DAB1: variants seen among roughly 807,000 people sequenced by gnomAD.
The protein encoded by DAB1 is DAB adaptor protein 1, also known as disabled homolog 1.
DAB1 carries 15 observed loss-of-function variants against 64.6 expected under a neutral mutation model. That is an observed-to-expected ratio of 0.23 (90% CI 0.16 to 0.36). DAB1 has a LOEUF of 0.36. DAB1 is among the 10% of genes least tolerant of loss of function. DAB1 has a pLI of 1.00. For synonymous variants in DAB1, 235 were observed against 251.9 expected (o/e 0.93, Z 0.64); for missense variants, 596 against 706.7 (o/e 0.84, Z 1.78).
chr1:57,015,831 C>T (rs111274786), intron 11 of DAB1, among the ~76,000 whole-genome samples: 2 of 152,194 alleles, frequency 1.3e-5, no homozygotes, highest in African/African-American at 4.8e-5. Context: ...ATTGCATAAG[C>T]TCTCTAAGAG....
At chr1:58,346,147 C>T (rs1257521958) in intron 3 of DAB1, among the ~76,000 whole-genome samples, 2 of 152,186 alleles carry the variant, frequency 1.3e-5, no homozygotes, top group South Asian at 2.1e-4. Context: ...TACGGCAGTC[C>T]GGCCCATACA....
chr1:57,171,393 G>C (rs1661744510), intron 2 of DAB1, among the ~76,000 whole-genome samples: 1 of 152,198 alleles, frequency 6.6e-6, no homozygotes, highest in South Asian at 2.1e-4. Flanking sequence ...TGTTCTCCTT[G>C]ATAACTCCTG....
At chr1:57,245,731 G>A (rs555212173) in intron 2 of DAB1, among the ~76,000 whole-genome samples, 104 of 152,286 alleles carry the variant, frequency 6.8e-4, no homozygotes, top group Non-Finnish European at 4.6e-4. Flanking sequence ...GAATAGTGCC[G>A]CAATAAACAT....
At chr1:57,041,779 G>C (rs1018252997) in intron 9 of DAB1, among the ~76,000 whole-genome samples, 1 of 152,170 alleles carries the variant, frequency 6.6e-6, no homozygotes. Context: ...GCACCTACTT[G>C]ATGGGATTTT....
At chr1:57,649,903 G>A (rs1558575467) in intron 6 of DAB1, among the ~76,000 whole-genome samples, 1 of 152,166 alleles carries the variant, frequency 6.6e-6, no homozygotes, top group South Asian at 2.1e-4. Context: ...ATCAGGATAC[G>A]TGTGTCTGTT....
chr1:57,183,121 T>C (rs1415554237), intron 2 of DAB1, among the ~76,000 whole-genome samples: 1 of 151,990 alleles, frequency 6.6e-6, no homozygotes, highest in East Asian at 2.0e-4. Flanking sequence ...TGTGAAATTT[T>C]AGAATACAAA....
At chr1:57,010,882 A>AT (rs1646245529) in intron 13 of DAB1, 92 bp from the exon 14 acceptor site, 4 of 1,033,958 alleles carry the variant, frequency 3.9e-6, no homozygotes. Flanking sequence ...CAGCACAATC[A>AT]GTTATTGTAA....
intron 5 of DAB1, among the ~76,000 whole-genome samples, chr1:57,959,241 C>A (rs532093535): frequency 7.1e-4 from 108 of 152,294 alleles, no homozygotes; most frequent in African/African-American, 2.4e-3. Context: ...GGAATGGCAC[C>A]TGCCTCATAG....
At position 57,618,410 on chromosome 1, in the gene DAB1, CAAA is replaced by C. The variant is rs11284763; in HGVS notation, n.625+31179_625+31181del. 5.5e-3 allele frequency among the ~76,000 whole-genome samples: 662 copies of C among 119,776 alleles called. 5 individuals are homozygous for C. Among genetic ancestry groups the C allele is most frequent in the Middle Eastern group, 0.013 (3 of 230 alleles). 78.6% of individuals were successfully genotyped at this position (119,776 alleles called of 152,430 possible). A position where few individuals can be genotyped will look rare whatever the true frequency, so the allele number is the denominator to read the frequency against. On this transcript the variant is annotated intron_variant and non_coding_transcript_variant, in intron 7 of 20. Transcript: ENST00000485760. ...AGCCTGGGTGGCACAGTGAGACTGTCAAAAAAAAAAAAAAAAAAAAGCAGCAGC... is the reference window on the plus strand; with the variant it reads ...AGCCTGGGTGGCACAGTGAGACTGTCAAAAAAAAAAAAAAAAAGCAGCAGC...
At chr1:58,018,148 G>T (rs192199663) in intron 5 of DAB1, among the ~76,000 whole-genome samples, 1 of 151,358 alleles carries the variant, frequency 6.6e-6, no homozygotes, top group South Asian at 2.1e-4. Flanking sequence ...CAACACTCAC[G>T]TTCCCTCACT....
At chr1:58,489,263 C>T (rs547393622) in intron 3 of DAB1, among the ~76,000 whole-genome samples, 12 of 152,296 alleles carry the variant, frequency 7.9e-5, no homozygotes, top group Admixed American at 3.3e-4. Flanking sequence ...AATTTTCCGA[C>T]GGTCTTAGCA....
intron 4 of DAB1, among the ~76,000 whole-genome samples, chr1:58,256,448 G>A (rs531069149): frequency 6.6e-6 from 1 of 152,320 alleles, no homozygotes; most frequent in Admixed American, 6.5e-5. Flanking sequence ...AAGGAGAAGA[G>A]ATACAGAGGG....
chr1:57,669,130 A>G (rs1386268702), intron 6 of DAB1, among the ~76,000 whole-genome samples: 1 of 152,104 alleles, frequency 6.6e-6, no homozygotes, highest in Non-Finnish European at 1.5e-5. Context: ...ATTTTATTCT[A>G]TATTTTTACT....
At chr1:57,569,285 C>A (rs1327896480) in intron 7 of DAB1, among the ~76,000 whole-genome samples, 2 of 130,444 alleles carry the variant, frequency 1.5e-5, no homozygotes, top group Non-Finnish European at 3.2e-5. Flanking sequence ...GACACATGCA[C>A]ACGTATGTTT....
At chr1:57,378,660 T>G (rs181149270) in intron 1 of DAB1, among the ~76,000 whole-genome samples, 14 of 152,318 alleles carry the variant, frequency 9.2e-5, no homozygotes, top group African/African-American at 3.1e-4. Context: ...CACACTTGGA[T>G]GATCCGTGCC....
chr1:57,155,930 G>A (rs543308678), intron 2 of DAB1, among the ~76,000 whole-genome samples: 38 of 152,032 alleles, frequency 2.5e-4, no homozygotes, highest in Admixed American at 7.9e-4. Flanking sequence ...GAGTTGTTAG[G>A]TTTTTCCAAA....
At position 57,554,440 on chromosome 1, in the gene DAB1, C is replaced by T. The variant is rs139941287; in HGVS notation, n.625+95152G>A. ...AGGTATGCAAAGCATTTAGTACAGT[C>T]CTGGCATATAGTAAATGCTCAATAC... On this transcript the variant is annotated intron_variant and non_coding_transcript_variant, in intron 7 of 20. Transcript: ENST00000485760. Among the ~76,000 whole-genome samples the T allele has an allele frequency of 1.3e-3, 192 of 152,324 alleles. 2 individuals carry two copies. The East Asian group carries it at 0.031, about 24-fold the overall frequency.
intron 5 of DAB1, among the ~76,000 whole-genome samples, chr1:58,126,191 T>C (rs1049369988): frequency 4.6e-5 from 7 of 152,208 alleles, no homozygotes; most frequent in African/African-American, 9.6e-5. Context: ...CCACTTGGCA[T>C]GGCTGCCCTG....
At chr1:58,476,637 AG>A (rs542305038) in intron 3 of DAB1, among the ~76,000 whole-genome samples, 4 of 152,356 alleles carry the variant, frequency 2.6e-5, no homozygotes, top group African/African-American at 9.6e-5. Context: ...TACAGATTAA[AG>A]AATTCTCTAG....
Sources: gnomAD v4.1 joint callset for allele counts (sites outside exome capture counted in the v4.1 genomes callset) on GRCh38, gnomAD v4.1.1 for gene constraint, MANE v1.5 for transcripts, NCBI Gene and HGNC (gene_info 2026-07-23, HGNC 2026-07-21) for gene names.